FAM107B: variants seen among roughly 807,000 people sequenced by gnomAD.
FAM107B encodes the protein family with sequence similarity 107 member B.
Under a neutral mutation model 31.5 loss-of-function variants are expected in FAM107B, and 21 were observed. The observed-to-expected ratio is 0.67, with a 90% CI of 0.47 to 0.96. The LOEUF is 0.96. Ranked by LOEUF, FAM107B falls within the 40% of genes least tolerant of loss-of-function variation. The probability of loss-of-function intolerance (pLI) is 0.00; values close to 1 mark genes in which losing one functional copy is unlikely to be tolerated. For missense variants in FAM107B, 452 were observed against 377.1 expected, an observed-to-expected ratio of 1.20 and a Z score of -1.64; for synonymous variants, 157 against 141.5, an observed-to-expected ratio of 1.11 and a Z score of -0.78.
chr10:14,714,991 G>T (rs1422750860), intron 1 of FAM107B, among the ~76,000 whole-genome samples: 1 of 152,142 alleles, frequency 6.6e-6, no homozygotes, highest in Non-Finnish European at 1.5e-5. Context: ...GACATAAGAA[G>T]CAGGTGGTCC....
chr10:14,697,412 G>A (rs1289168524), intron 1 of FAM107B, among the ~76,000 whole-genome samples: 2 of 152,176 alleles, frequency 1.3e-5, no homozygotes, highest in African/African-American at 4.8e-5. Flanking sequence ...ATAATGCAGG[G>A]CTCTGCATTT....
At chr10:14,639,041 A>T (rs1156588059) in intron 2 of FAM107B, among the ~76,000 whole-genome samples, 1 of 151,992 alleles carries the variant, frequency 6.6e-6, no homozygotes, top group East Asian at 1.9e-4. Flanking sequence ...AAATTAAAAA[A>T]TTTGCCAGGC....
At position 14,520,396 on chromosome 10, in the gene FAM107B, TC is replaced by T. The variant is rs1845518271; in HGVS notation, c.*793del. On this transcript the variant is annotated 3_prime_UTR_variant, in exon 5 of 5. Transcript: ENST00000181796. ...ACTCTCTAAGGGACTGGAAGGTTAT[TC>T]CATCTGAAAGAACTAGATCAGCAAG... 1 of 152,234 alleles carries T rather than the reference TC, an allele frequency of 6.6e-6. No individual in the cohort carries two copies. The highest frequency in any genetic ancestry group is 2.4e-5 in the African/African-American group (1 of 41,450). The allele number at this position is 152,234 out of a possible 1,614,324, so 9.4% of individuals were successfully genotyped here.
chr10:14,525,495 C>A (rs1033884441), intron 3 of FAM107B, among the ~76,000 whole-genome samples: 11 of 152,228 alleles, frequency 7.2e-5, no homozygotes, highest in Non-Finnish European at 1.3e-4. Context: ...AGGAGCACCA[C>A]TCCATCGCAA....
At chr10:14,763,938 T>C (rs61842991) in intron 1 of FAM107B, among the ~76,000 whole-genome samples, 35,000 of 152,176 alleles carry the variant, frequency 0.23, 4,222 homozygotes, top group Non-Finnish European at 0.26. Context: ...CACCCTTTAT[T>C]CGGCCTCTGT....
At chr10:14,572,305 A>C in intron 2 of FAM107B, 1 of 985,488 alleles carries the variant, frequency 1.0e-6, no homozygotes, top group Non-Finnish European at 1.2e-6. Flanking sequence ...CTCTACTTGT[A>C]AGCAAATATG....
intron 1 of FAM107B, among the ~76,000 whole-genome samples, chr10:14,709,840 T>C (rs1002243199): frequency 9.2e-5 from 14 of 152,168 alleles, no homozygotes; most frequent in Non-Finnish European, 1.6e-4. Flanking sequence ...ATATACTATA[T>C]GATTCCAAAT....
rs139286911 is a variant in FAM107B at position 14,638,264 on chromosome 10, T to C, written c.469+29370A>G. Among the ~76,000 whole-genome samples the C allele has an allele frequency of 3.6e-4, 55 of 152,162 alleles. 1 individual carries two copies. The East Asian group carries it at 9.9e-3, about 27-fold the overall frequency. ...GCTGTGGATTTACAGAAATCTTACG[T>C]TGTGTACAGCCTGCTAAGGTTTTTT... On this transcript the variant is annotated intron_variant, in intron 2 of 4. Transcript: ENST00000181796.
At chr10:14,539,210 C>T (rs1847932384) in intron 2 of FAM107B, among the ~76,000 whole-genome samples, 1 of 152,122 alleles carries the variant, frequency 6.6e-6, no homozygotes, top group African/African-American at 2.4e-5. Context: ...CCAGTGTGGA[C>T]AGGGAAGGGA....
intron 1 of FAM107B, among the ~76,000 whole-genome samples, chr10:14,773,610 G>A (rs924923716): frequency 6.6e-6 from 1 of 152,000 alleles, no homozygotes; most frequent in African/African-American, 2.4e-5. Context: ...TGCCAAAAAT[G>A]GAAAGAAAAT....
intron 2 of FAM107B, among the ~76,000 whole-genome samples, chr10:14,605,755 G>A (rs1218325242): frequency 1.3e-5 from 2 of 152,034 alleles, no homozygotes; most frequent in South Asian, 2.1e-4. Flanking sequence ...CTTCTCTCTC[G>A]TCCTTGAGTT....
At chr10:14,597,173 C>T (rs967485753) in intron 2 of FAM107B, among the ~76,000 whole-genome samples, 2 of 152,180 alleles carry the variant, frequency 1.3e-5, no homozygotes, top group Admixed American at 6.5e-5. Context: ...CCTCTACATA[C>T]GCATATGCAC....
intron 1 of FAM107B, among the ~76,000 whole-genome samples, chr10:14,724,717 C>T (rs1855989855): frequency 6.6e-6 from 1 of 151,856 alleles, no homozygotes; most frequent in Non-Finnish European, 1.5e-5. Flanking sequence ...TAAACATCGT[C>T]ACACAAGTTC....
chr10:14,557,942 G>A (rs1047218862), intron 2 of FAM107B, among the ~76,000 whole-genome samples: 1 of 152,256 alleles, frequency 6.6e-6, no homozygotes, highest in African/African-American at 2.4e-5. Context: ...CAGGAGAGAT[G>A]AGGTAAAGCT....
intron 1 of FAM107B, 123 bp downstream of exon 1, chr10:14,774,130 G>T: frequency 8.2e-7 from 1 of 1,216,424 alleles, no homozygotes; most frequent in Non-Finnish European, 1.1e-6. Context: ...GCACTAGTGA[G>T]AACGCCCGCA....
intron 2 of FAM107B, among the ~76,000 whole-genome samples, chr10:14,632,851 G>T (rs190307786): frequency 2.0e-5 from 3 of 152,074 alleles, no homozygotes; most frequent in East Asian, 3.9e-4. Flanking sequence ...CTAGGGAAGG[G>T]GTTCAGAGAT....
chr10:14,528,174 GTTTTT>G (rs34584902), intron 3 of FAM107B: 36 of 67,752 alleles, frequency 5.3e-4, no homozygotes, highest in South Asian at 3.0e-3. Context: ...TTAAGTTTTG[GTTTTT>G]TTTTTTTTTT....
At chr10:14,706,356 T>C (rs1397897967) in intron 1 of FAM107B, among the ~76,000 whole-genome samples, 3 of 152,204 alleles carry the variant, frequency 2.0e-5, no homozygotes, top group African/African-American at 7.2e-5. Flanking sequence ...GCCCCCCAAG[T>C]AGCTGGCACT....
At chr10:14,563,676 A>G (rs2131193882) in intron 2 of FAM107B, among the ~76,000 whole-genome samples, 1 of 152,346 alleles carries the variant, frequency 6.6e-6, no homozygotes, top group South Asian at 2.1e-4. Context: ...ATCAAGGAAG[A>G]ATGTCCGTAA....
Sources: gnomAD v4.1 joint callset for allele counts (sites outside exome capture counted in the v4.1 genomes callset) on GRCh38, gnomAD v4.1.1 for gene constraint, MANE v1.5 for transcripts, NCBI Gene and HGNC (gene_info 2026-07-23, HGNC 2026-07-21) for gene names.